FAM171A1: variants seen among roughly 807,000 people sequenced by gnomAD.
FAM171A1 encodes protein FAM171A1.
A neutral mutation model predicts 74.9 loss-of-function variants in FAM171A1; 23 were observed. The ratio of observed to expected loss-of-function variants is 0.31; its 90% confidence interval spans 0.22 to 0.44. The LOEUF (loss-of-function observed/expected upper bound fraction) is 0.44, where lower values mean the gene tolerates loss of function less well. Ranked by LOEUF, FAM171A1 falls within the 20% of genes least tolerant of loss-of-function variation. The pLI is 1.00. For missense variants in FAM171A1, 1,162 were observed against 1,159.2 expected (o/e 1.00, Z -0.03); for synonymous variants, 527 against 505.7 (o/e 1.04, Z -0.57).
chr10:15,363,228 G>C (rs1396716045), intron 1 of FAM171A1, among the ~76,000 whole-genome samples: 1 of 152,222 alleles, frequency 6.6e-6, no homozygotes, highest in African/African-American at 2.4e-5. Context: ...TAGTCATCCA[G>C]GCTTCACACT....
intron 3 of FAM171A1, among the ~76,000 whole-genome samples, chr10:15,269,394 C>T (rs931525654): frequency 6.6e-6 from 1 of 151,990 alleles, no homozygotes; most frequent in African/African-American, 2.4e-5. Flanking sequence ...GCTGGGATTA[C>T]AGGTGTGAGC....
upstream of FAM171A1, among the ~76,000 whole-genome samples, chr10:15,374,300 C>G (rs1403141166): frequency 6.6e-6 from 1 of 152,170 alleles, no homozygotes; most frequent in Non-Finnish European, 1.5e-5. Context: ...ATTCTGCAGG[C>G]CAGTCTCAAA....
intron 1 of FAM171A1, among the ~76,000 whole-genome samples, chr10:15,359,877 C>T (rs1835973792): frequency 6.6e-6 from 1 of 152,158 alleles, no homozygotes; most frequent in South Asian, 2.1e-4. Flanking sequence ...AACAGGGACT[C>T]CATCCTGAAT....
intron 1 of FAM171A1, among the ~76,000 whole-genome samples, chr10:15,352,806 G>A (rs1835894241): frequency 6.6e-6 from 1 of 152,194 alleles, no homozygotes; most frequent in Non-Finnish European, 1.5e-5. Context: ...AGGTGAATGG[G>A]CTAAAAGGCT....
intron 1 of FAM171A1, among the ~76,000 whole-genome samples, chr10:15,310,829 T>TAA (rs955191226): frequency 1.0e-4 from 15 of 143,882 alleles, no homozygotes; most frequent in African/African-American, 3.6e-4. Context: ...GACTCTGTCT[T>TAA]AAAAAAAAAA....
At position 15,301,358 on chromosome 10, in the gene FAM171A1, A is replaced by T. The variant is rs971971987; in HGVS notation, c.98-17253T>A. On this transcript the variant is annotated intron_variant, in intron 1 of 7. Transcript: ENST00000378116. The stretch of plus-strand genomic sequence containing the variant: ...CACACGCCCAGCTATATATATATAT[A>T]TATATTTTTTTTTTTTGTATTTTTA... 2.3e-4 allele frequency among the ~76,000 whole-genome samples: 32 copies of T among 137,942 alleles called. 1 individual carries two copies. The highest frequency in any genetic ancestry group is 1.6e-3 in the South Asian group (7 of 4,376). 90.5% of individuals were successfully genotyped at this position (137,942 alleles called of 152,430 possible).
In FAM171A1 at chr10:15,279,592, G is replaced by A. The variant is rs144880268; in HGVS notation, c.326-3645C>T. Among the ~76,000 whole-genome samples, 560 of 152,120 alleles carry A rather than the reference G, an allele frequency of 3.7e-3. 3 individuals carry two copies. Among genetic ancestry groups the A allele is most frequent in the African/African-American group, 0.012 (496 of 41,506 alleles). On this transcript the variant is annotated intron_variant, in intron 2 of 7. Transcript: ENST00000378116. Reference sequence around the variant, plus strand: ...AGGAAAGGCAGGAAGATTTTTTGACGCAGAAAACAGTCCAGCTGGGCTTTA... The same window carrying A: ...AGGAAAGGCAGGAAGATTTTTTGACACAGAAAACAGTCCAGCTGGGCTTTA...
chr10:15,239,921 A>G (rs1160442442), intron 5 of FAM171A1, among the ~76,000 whole-genome samples: 1 of 152,266 alleles, frequency 6.6e-6, no homozygotes, highest in Non-Finnish European at 1.5e-5. Context: ...CCAAAATCCA[A>G]AATGCTCCAG....
At chr10:15,219,193 A>C (rs1004737742) in intron 6 of FAM171A1, among the ~76,000 whole-genome samples, 4 of 152,140 alleles carry the variant, frequency 2.6e-5, no homozygotes, top group Non-Finnish European at 5.9e-5. Flanking sequence ...GAGGCAGGAT[A>C]ATTGCTTGAA....
intron 1 of FAM171A1, among the ~76,000 whole-genome samples, chr10:15,295,127 G>A (rs1835145694): frequency 2.0e-5 from 3 of 152,022 alleles, no homozygotes; most frequent in African/African-American, 7.2e-5. Context: ...AGTAGAGGCG[G>A]GGGTTTCACC....
chr10:15,297,841 G>A (rs1290346538), intron 1 of FAM171A1, among the ~76,000 whole-genome samples: 1 of 152,128 alleles, frequency 6.6e-6, no homozygotes, highest in Non-Finnish European at 1.5e-5. Flanking sequence ...TACAAAATGA[G>A]GTTTTCTAGG....
intron 1 of FAM171A1, among the ~76,000 whole-genome samples, chr10:15,311,704 C>T (rs76558700): frequency 0.019 from 2,833 of 152,208 alleles, 42 homozygotes; most frequent in Non-Finnish European, 0.028. Flanking sequence ...GAGGTGATTG[C>T]TCTCAAGATA....
intron 1 of FAM171A1, among the ~76,000 whole-genome samples, chr10:15,328,393 G>C (rs536118860): frequency 6.6e-6 from 1 of 152,140 alleles, no homozygotes; most frequent in Non-Finnish European, 1.5e-5. Flanking sequence ...TGATCCACCC[G>C]CCTCGGCCTC....
At chr10:15,263,338 T>C (rs1834686597) in intron 3 of FAM171A1, among the ~76,000 whole-genome samples, 1 of 152,146 alleles carries the variant, frequency 6.6e-6, no homozygotes. Flanking sequence ...TAATCTGGGA[T>C]TTAATTTATG....
chr10:15,255,703 G>A (rs1275218645), intron 3 of FAM171A1, among the ~76,000 whole-genome samples: 1 of 150,712 alleles, frequency 6.6e-6, no homozygotes, highest in Non-Finnish European at 1.5e-5. Context: ...AGGCTGGAGT[G>A]CAGCGGTGTG....
At chr10:15,370,116 G>C (rs778151807) in intron 1 of FAM171A1, among the ~76,000 whole-genome samples, 2 of 151,976 alleles carry the variant, frequency 1.3e-5, no homozygotes, top group Non-Finnish European at 2.9e-5. Context: ...AAAAACAAAA[G>C]ACAGGCTCGT....
intron 1 of FAM171A1, among the ~76,000 whole-genome samples, chr10:15,312,673 GTTTTTTTTTTTTTTTTTTTTTTTT>G (rs1169098742): frequency 8.2e-4 from 30 of 36,402 alleles, no homozygotes; most frequent in Non-Finnish European, 1.1e-3. Flanking sequence ...AGCACTGTGT[GTTTTTTTTTTTTTTTTTTTTTTTT>G]TTTTTTTTTT....
At chr10:15,232,287 T>C (rs997007437) in intron 5 of FAM171A1, among the ~76,000 whole-genome samples, 6 of 152,252 alleles carry the variant, frequency 3.9e-5, no homozygotes, top group African/African-American at 1.2e-4. Flanking sequence ...TCAGCTCAAA[T>C]GTCACTTCTC....
At chr10:15,332,208 T>G (rs1213787844) in intron 1 of FAM171A1, among the ~76,000 whole-genome samples, 1 of 151,990 alleles carries the variant, frequency 6.6e-6, no homozygotes, top group African/African-American at 2.4e-5. Context: ...TGCCTGCCTC[T>G]GCCTCCCAGA....
Sources: allele counts gnomAD v4.1 joint callset (sites outside exome capture counted in the v4.1 genomes callset), GRCh38; gene constraint gnomAD v4.1.1; transcripts MANE v1.5; gene names NCBI Gene and HGNC (gene_info 2026-07-23, HGNC 2026-07-21).